LPA: variants seen among roughly 807,000 people sequenced by gnomAD.
LPA encodes the protein apolipoprotein(a).
Under a neutral mutation model 197.9 loss-of-function variants are expected in LPA, and 199 were observed. The ratio of observed to expected loss-of-function variants is 1.01; its 90% CI spans 0.90 to 1.13. The LOEUF (loss-of-function observed/expected upper bound fraction) is 1.13, where lower values mean the gene tolerates loss of function less well. LPA is among the 50% of genes most tolerant of loss of function. The pLI is 0.00. For missense variants in LPA, 1,853 were observed against 1,785.8 expected (o/e 1.04, Z -0.68); for synonymous variants, 715 against 639.5 (o/e 1.12, Z -1.78).
At position 160,610,377 on chromosome 6, in the gene LPA, T is replaced by A. The variant is rs78421331; in HGVS notation, c.2603+1185A>T. ...GCCTTTATTCTAGTAATATACTAAT[T>A]GTACTTTGAAATTATGGCTGTTCTG... On this transcript the variant is annotated intron_variant, in intron 16 of 38. Transcript: ENST00000316300. Among the ~76,000 whole-genome samples, 34 of 152,266 alleles carry A rather than the reference T, an allele frequency of 2.2e-4. No individual in the cohort carries two copies. In the East Asian group the frequency reaches 6.4e-3, roughly 28 times the overall value.
In LPA at chr6:160,606,659, C is replaced by G. The variant is rs1287761737; in HGVS notation, c.2604-1G>C. 1.2e-6 allele frequency: 2 copies of G among 1,614,002 alleles called. No homozygotes were observed. Among genetic ancestry groups the G allele is most frequent in the Non-Finnish European group, 1.7e-6 (2 of 1,179,922 alleles). On this transcript the variant is annotated splice_acceptor_variant, in intron 16 of 38. Transcript: ENST00000316300. LOFTEE classifies it high-confidence loss of function. Reference sequence around the variant, plus strand: ...CCTGCAGTAGTTCATGATCAAGCCACTGGAAATTCCAAAACGATACACGTC... The same window carrying G: ...CCTGCAGTAGTTCATGATCAAGCCAGTGGAAATTCCAAAACGATACACGTC...
intron 28 of LPA, among the ~76,000 whole-genome samples, chr6:160,567,736 A>G (rs1316975463): frequency 6.6e-6 from 1 of 152,202 alleles, no homozygotes; most frequent in African/African-American, 2.4e-5. Context: ...AACAAAATTG[A>G]TAGACCACTA....
intron 37 of LPA, among the ~76,000 whole-genome samples, chr6:160,536,202 T>C (rs931350623): frequency 1.3e-5 from 2 of 152,122 alleles, no homozygotes; most frequent in African/African-American, 4.8e-5. Context: ...CATGGGAATG[T>C]CACCTTTGTG....
chr6:160,652,242 TA>T (rs1429234341), intron 1 of LPA, among the ~76,000 whole-genome samples: 1 of 151,906 alleles, frequency 6.6e-6, no homozygotes, highest in African/African-American at 2.4e-5. Flanking sequence ...TACAAAAAGT[TA>T]ATAATAAACA....
intron 6 of LPA, among the ~76,000 whole-genome samples, chr6:160,635,583 A>G (rs1297448265): frequency 1.6e-5 from 2 of 124,458 alleles, no homozygotes; most frequent in Non-Finnish European, 3.4e-5. Flanking sequence ...ACGTGGCCGA[A>G]AAACGATCAG....
At position 160,531,620 on chromosome 6, in the gene LPA, T is replaced by G; in HGVS notation, c.*109A>C. ...GCCAAGGTTTGGCATAGCTGGTAGC[T>G]GGGAACAGTGTCTTCGTTTGATTGC... On this transcript the variant is annotated 3_prime_UTR_variant, in exon 39 of 39. Transcript: ENST00000316300. 1 of 1,462,292 alleles carries G rather than the reference T, an allele frequency of 6.8e-7. No individual in the cohort carries two copies. Among genetic ancestry groups the G allele is most frequent in the East Asian group, 2.3e-5 (1 of 43,478 alleles). 90.6% of individuals were successfully genotyped at this position (1,462,292 alleles called of 1,614,324 possible). A position where few individuals can be genotyped will look rare whatever the true frequency, so the allele number is the denominator to read the frequency against.
intron 34 of LPA, 134 bp downstream of exon 34, chr6:160,542,554 A>G (rs769807884): frequency 1.5e-6 from 2 of 1,363,988 alleles, no homozygotes; most frequent in Non-Finnish European, 2.0e-6. Flanking sequence ...TAATTTTTCT[A>G]TATTTTTTCC....
intron 37 of LPA, among the ~76,000 whole-genome samples, chr6:160,533,921 C>A (rs1777844640): frequency 6.6e-6 from 1 of 152,202 alleles, no homozygotes; most frequent in Admixed American, 6.5e-5. Flanking sequence ...GATGGACATG[C>A]CCAGGGATTT....
At position 160,605,116 on chromosome 6, in the gene LPA, T is replaced by G; in HGVS notation, c.2875A>C (p.Arg959=). Residue 959 remains arginine (R), a synonymous_variant, in exon 18 of 39, where the codon AGA becomes CGA. Coordinates refer to ENST00000316300, the MANE Select transcript of LPA (RefSeq NM_005577.4). ...ATAGATGACCAAGCTTGGCAGGTTCTTCCTGTGACAGTAATGAAGTATGTG... is the reference window on the plus strand; with the variant it reads ...ATAGATGACCAAGCTTGGCAGGTTCGTCCTGTGACAGTAATGAAGTATGTG... ...QGTYFITVTG[R]TCQAWSSMTP... 1 of 1,613,976 alleles carries G rather than the reference T, an allele frequency of 6.2e-7. No homozygotes were observed. The highest frequency in any genetic ancestry group is 8.5e-7 in the Non-Finnish European group (1 of 1,179,850).
rs772826531 is a variant in LPA at position 160,585,034 on chromosome 6, T to C, written c.4289+12A>G. The C allele has an allele frequency of 1.4e-5, 23 of 1,613,366 alleles. No homozygotes were observed. Among genetic ancestry groups the C allele is most frequent in the Non-Finnish European group, 1.9e-5 (22 of 1,179,580 alleles). On this transcript the variant is annotated intron_variant, in intron 26 of 38. Coordinates refer to ENST00000316300, the MANE Select transcript of LPA (RefSeq NM_005577.4). ...ACTATTGTTCCTTTTATGGCTAACA[T>C]GATAGACATACGCATTTGGATAGTA...
At chr6:160,539,448 T>G (rs972881148) in intron 36 of LPA, among the ~76,000 whole-genome samples, 1 of 151,480 alleles carries the variant, frequency 6.6e-6, no homozygotes, top group Non-Finnish European at 1.5e-5. Context: ...TGTGTGGGTT[T>G]TTTTTTTTTT....
At chr6:160,546,381 C>G (rs12190825) in intron 32 of LPA, among the ~76,000 whole-genome samples, 2 of 152,322 alleles carry the variant, frequency 1.3e-5, no homozygotes, top group Non-Finnish European at 2.9e-5. Flanking sequence ...GGCATAGAGG[C>G]TCTGAGCCCC....
chr6:160,568,762 T>A (rs912646402), intron 28 of LPA, among the ~76,000 whole-genome samples: 2 of 152,238 alleles, frequency 1.3e-5, no homozygotes, highest in East Asian at 3.8e-4. Context: ...CAAAATCTCC[T>A]TAAGCTGATA....
At chr6:160,564,854 C>T (rs139529905) in intron 28 of LPA, among the ~76,000 whole-genome samples, 162 of 152,316 alleles carry the variant, frequency 1.1e-3, no homozygotes, top group Non-Finnish European at 1.4e-3. Context: ...TTATATCCTG[C>T]ACATGGCTCA....
At chr6:160,586,293 C>A (rs1013537638) in intron 25 of LPA, among the ~76,000 whole-genome samples, 156 bp downstream of exon 25, 1 of 152,172 alleles carries the variant, frequency 6.6e-6, no homozygotes, top group Non-Finnish European at 1.5e-5. Flanking sequence ...GCTCTGGTCC[C>A]CCCAGAGAAG....
intron 37 of LPA, among the ~76,000 whole-genome samples, chr6:160,537,467 A>C (rs1777911630): frequency 6.6e-6 from 1 of 152,214 alleles, no homozygotes; most frequent in Non-Finnish European, 1.5e-5. Flanking sequence ...TTCACATGAA[A>C]AATAATCTAA....
intron 1 of LPA, among the ~76,000 whole-genome samples, chr6:160,654,007 A>T (rs1360551641): frequency 1.2e-4 from 1 of 8,036 alleles, no homozygotes; most frequent in African/African-American, 5.4e-4. Flanking sequence ...TATATATAAT[A>T]TATATTATAT....
chr6:160,655,045 T>G (rs1255544966), intron 1 of LPA, among the ~76,000 whole-genome samples: 2 of 152,190 alleles, frequency 1.3e-5, no homozygotes, highest in Admixed American at 6.5e-5. Context: ...CTTCAGGACC[T>G]GCTCAAGCCC....
rs1778986096 is a variant in LPA at position 160,589,631 on chromosome 6, A to G, written c.3869T>C (p.Val1290Ala). ...QSYRGSFSTT[V>A]TGRTCQSWSS... is the part of the protein sequence containing the mutation. ...CCAAGACTGACATGTCCTTCCTGTA[A>G]CAGTGGTGGAGAATGAGCCTCGATA... Residue 1290 changes from valine to alanine, a missense_variant, in exon 24 of 39, where the codon GTT (valine) becomes GCT (alanine). Coordinates refer to ENST00000316300, the MANE Select transcript of LPA (RefSeq NM_005577.4). 3 of 1,613,870 alleles carry G rather than the reference A, an allele frequency of 1.9e-6. No individual in the cohort carries two copies. The African/African-American group carries it at 4.0e-5, about 22-fold the overall frequency.
Sources: gnomAD v4.1 joint callset for allele counts (sites outside exome capture counted in the v4.1 genomes callset) on GRCh38, gnomAD v4.1.1 for gene constraint, MANE v1.5 for transcripts, NCBI Gene and HGNC (gene_info 2026-07-23, HGNC 2026-07-21) for gene names.